The following PTCHD4 variants were observed in gnomAD, a reference collection of about 807,000 sequenced individuals.
The protein encoded by PTCHD4 is patched domain-containing protein 4.
In PTCHD4, 33 loss-of-function variants were observed where a neutral mutation model predicts 58.1. The observed-to-expected ratio is 0.57, with a 90% CI of 0.43 to 0.76. PTCHD4 has a LOEUF of 0.76. Ranked by LOEUF, PTCHD4 falls within the 30% of genes least tolerant of loss-of-function variation. PTCHD4 has a pLI of 0.00. For synonymous variants in PTCHD4, 478 were observed against 409.6 expected (o/e 1.17, Z -2.02); for missense variants, 1,058 against 1,027.1 (o/e 1.03, Z -0.41).
intron 4 of PTCHD4, among the ~76,000 whole-genome samples, chr6:47,915,880 G>A (rs1765227351): frequency 6.6e-6 from 1 of 152,050 alleles, no homozygotes; most frequent in Non-Finnish European, 1.5e-5. Context: ...GAGAAAGTGA[G>A]GAATTTCGGG....
At position 47,864,890 on chromosome 6, in the gene PTCHD4, T is replaced by TC. The variant is rs946843504; in HGVS notation, c.*13412dup. Among the ~76,000 whole-genome samples the TC allele has an allele frequency of 1.3e-5, 2 of 151,912 alleles. No homozygotes were observed. The highest frequency in any genetic ancestry group is 4.8e-5 in the African/African-American group (2 of 41,414). Reference sequence around the variant, plus strand: ...CATTTTACATATATATCCATCTTTGTCCAGTGCTGACATAACATTGCAATA... The same window carrying TC: ...CATTTTACATATATATCCATCTTTGTCCCAGTGCTGACATAACATTGCAATA... On this transcript the variant is annotated 3_prime_UTR_variant, in exon 5 of 5. Coordinates refer to ENST00000339488, the MANE Select transcript of PTCHD4 (RefSeq NM_001384253.1).
In PTCHD4 at chr6:47,871,020, A is replaced by T. The variant is rs74387140; in HGVS notation, c.*7283T>A. On this transcript the variant is annotated 3_prime_UTR_variant, in exon 5 of 5. Transcript: ENST00000339488. ...ACATCAAAGTTTCATAATTTCATACATTTAGTCACCCTTCTTTGCTGTAGA... is the reference window on the plus strand; with the variant it reads ...ACATCAAAGTTTCATAATTTCATACTTTTAGTCACCCTTCTTTGCTGTAGA... Among the ~76,000 whole-genome samples, 1 of 151,554 alleles carries T rather than the reference A, an allele frequency of 6.6e-6. No individual in the cohort carries two copies. The highest frequency in any genetic ancestry group is 2.1e-4 in the South Asian group (1 of 4,834).
intron 4 of PTCHD4, among the ~76,000 whole-genome samples, chr6:47,978,247 A>G (rs1309251826): frequency 6.6e-6 from 1 of 151,076 alleles, no homozygotes; most frequent in African/African-American, 2.4e-5. Flanking sequence ...GATTCTTTCC[A>G]TTTCTCCTAA....
In PTCHD4 at chr6:48,069,719, A is replaced by C. The variant is rs914309440; in HGVS notation, c.-762T>G. Among the ~76,000 whole-genome samples, 3 of 152,088 alleles carry C rather than the reference A, an allele frequency of 2.0e-5. No individual in the cohort carries two copies. The highest frequency in any genetic ancestry group is 2.0e-4 in the Admixed American group (3 of 15,268). On this transcript the variant is annotated 5_prime_UTR_variant, in exon 2 of 5. Coordinates refer to ENST00000339488, the MANE Select transcript of PTCHD4 (RefSeq NM_001384253.1). ...AAAGTGAAGATCTACAGGCAATATG[A>C]GGTTTCTCATAACATGTTACATTCA... is the stretch of plus-strand genomic sequence containing the variant.
At chr6:48,102,884 AAGGCGGCAGTG>A (rs1035037594) in intron 1 of PTCHD4, among the ~76,000 whole-genome samples, 1 of 152,206 alleles carries the variant, frequency 6.6e-6, no homozygotes, top group Non-Finnish European at 1.5e-5. Context: ...ATCAAACTGC[AAGGCGGCAGTG>A]AGGCTGGGGG....
At chr6:47,888,646 T>C (rs1278760644) in intron 4 of PTCHD4, among the ~76,000 whole-genome samples, 1 of 152,144 alleles carries the variant, frequency 6.6e-6, no homozygotes, top group African/African-American at 2.4e-5. Flanking sequence ...TTTGTTTGTT[T>C]GTTTTTGTTT....
At chr6:48,020,578 A>G (rs935221763) in intron 3 of PTCHD4, among the ~76,000 whole-genome samples, 5 of 152,122 alleles carry the variant, frequency 3.3e-5, no homozygotes, top group African/African-American at 1.2e-4. Context: ...GGGAAAGTGC[A>G]TTGCTATCCT....
chr6:47,923,404 C>G (rs186615968), intron 4 of PTCHD4, among the ~76,000 whole-genome samples: 1 of 152,258 alleles, frequency 6.6e-6, no homozygotes, highest in African/African-American at 2.4e-5. Context: ...TGGCCTTACT[C>G]AAGTTATAGC....
At chr6:48,107,772 C>T (rs530907087) in intron 1 of PTCHD4, among the ~76,000 whole-genome samples, 13 of 152,174 alleles carry the variant, frequency 8.5e-5, no homozygotes, top group South Asian at 4.2e-4. Flanking sequence ...CAAACAACCC[C>T]GTCAAAAAGT....
At chr6:47,904,577 G>A (rs1025224021) in intron 4 of PTCHD4, among the ~76,000 whole-genome samples, 1 of 152,146 alleles carries the variant, frequency 6.6e-6, no homozygotes, top group Non-Finnish European at 1.5e-5. Context: ...TAGCAGTAAA[G>A]CTATCTCTTA....
chr6:47,904,134 G>A (rs1255907124), intron 4 of PTCHD4, among the ~76,000 whole-genome samples: 2 of 152,172 alleles, frequency 1.3e-5, no homozygotes, highest in Non-Finnish European at 2.9e-5. Context: ...ATGGAGCCTT[G>A]CAAATCACAG....
rs910112081 is a variant in PTCHD4 at position 47,869,278 on chromosome 6, C to A, written c.*9025G>T. On this transcript the variant is annotated 3_prime_UTR_variant, in exon 5 of 5. Transcript: ENST00000339488. ...CCCCAGCTTGAAACTGTATAGCGTG[C>A]AGCCAAAGGGATGTGCTTTGTGATT... 2.0e-5 allele frequency among the ~76,000 whole-genome samples: 3 copies of A among 151,792 alleles called. No homozygotes were observed. Among genetic ancestry groups the A allele is most frequent in the African/African-American group, 7.2e-5 (3 of 41,476 alleles).
chr6:47,934,636 T>G (rs922861465), intron 4 of PTCHD4, among the ~76,000 whole-genome samples: 1 of 152,182 alleles, frequency 6.6e-6, no homozygotes, highest in African/African-American at 2.4e-5. Context: ...ACATTTTCCT[T>G]AGACTCCTAG....
chr6:48,028,632 C>A (rs1181803720), intron 3 of PTCHD4, among the ~76,000 whole-genome samples: 2 of 151,970 alleles, frequency 1.3e-5, no homozygotes, highest in Non-Finnish European at 1.5e-5. Flanking sequence ...AAAGGGCTTT[C>A]TTTACCCTTT....
chr6:47,974,088 G>A (rs1034145176), intron 4 of PTCHD4, among the ~76,000 whole-genome samples: 2 of 152,288 alleles, frequency 1.3e-5, no homozygotes, highest in Middle Eastern at 3.4e-3. Context: ...ATGAAGAGAA[G>A]ACATAAAGAA....
intron 3 of PTCHD4, among the ~76,000 whole-genome samples, chr6:48,035,892 G>A (rs899065849): frequency 1.5e-4 from 23 of 152,132 alleles, no homozygotes; most frequent in Admixed American, 2.0e-4. Flanking sequence ...TCGCACTTTC[G>A]TTGGTTGTAT....
chr6:48,068,681 C>T lies in PTCHD4; in HGVS notation c.6-40G>A. 2 of 1,501,168 alleles carry T rather than the reference C, an allele frequency of 1.3e-6. No homozygotes were observed. Among genetic ancestry groups the T allele is most frequent in the Non-Finnish European group, 1.8e-6 (2 of 1,128,322 alleles). 93.0% of individuals were successfully genotyped at this position (1,501,168 alleles called of 1,614,324 possible). On this transcript the variant is annotated intron_variant, in intron 2 of 4. Transcript: ENST00000339488. This position sits in a 1 kb window ranked among gnomAD's most constrained non-coding sequence, Gnocchi z 4.2. ...GTGACATGTGTAAGCGCCGGGCTAC[C>T]CCGTTCTCCCCCATCCCACCCCCTG...
intron 4 of PTCHD4, among the ~76,000 whole-genome samples, chr6:48,007,523 G>T (rs1375109858): frequency 1.3e-5 from 2 of 152,150 alleles, no homozygotes; most frequent in East Asian, 1.9e-4. Flanking sequence ...TTTAAGGAAT[G>T]AAAACACTTC....
intron 3 of PTCHD4, among the ~76,000 whole-genome samples, chr6:48,021,070 G>A (rs1415957264): frequency 6.6e-6 from 1 of 151,830 alleles, no homozygotes; most frequent in Non-Finnish European, 1.5e-5. Flanking sequence ...AGGATTATAG[G>A]TCATTTCCGA....
Sources: allele counts gnomAD v4.1 joint callset (sites outside exome capture counted in the v4.1 genomes callset), GRCh38; gene constraint gnomAD v4.1.1; non-coding constraint Gnocchi (gnomAD v3.1); transcripts MANE v1.5; gene names NCBI Gene and HGNC (gene_info 2026-07-23, HGNC 2026-07-21).